The following PAPSS2 variants were observed in gnomAD, a reference collection of about 807,000 sequenced individuals.
The protein encoded by PAPSS2 is bifunctional 3'-phosphoadenosine 5'-phosphosulfate synthase 2.
In PAPSS2, 61 loss-of-function variants were observed where a neutral mutation model predicts 66.5. The observed-to-expected ratio is 0.92, with a 90% CI of 0.75 to 1.14. The LOEUF (loss-of-function observed/expected upper bound fraction) is 1.14. PAPSS2 is among the 50% of genes most tolerant of loss of function. The probability of loss-of-function intolerance (pLI) is 0.00; values close to 1 mark genes in which losing one functional copy is unlikely to be tolerated. For synonymous variants in PAPSS2, 289 were observed against 287.5 expected (o/e 1.01, Z -0.05); for missense variants, 708 against 789.6 (o/e 0.90, Z 1.24).
intron 9 of PAPSS2, among the ~76,000 whole-genome samples, chr10:87,733,482 C>T (rs7920554): frequency 0.52 from 79,600 of 152,078 alleles, 22,168 homozygotes; most frequent in East Asian, 0.75. Context: ...TTGCACTCTA[C>T]ATTTTCTTGT....
At chr10:87,685,357 T>G (rs942534113) in intron 1 of PAPSS2, among the ~76,000 whole-genome samples, 4 of 152,184 alleles carry the variant, frequency 2.6e-5, no homozygotes, top group Admixed American at 6.5e-5. Context: ...CTTTAATGTT[T>G]GTAGGAAAAG....
intron 9 of PAPSS2, among the ~76,000 whole-genome samples, chr10:87,728,567 C>G (rs554726318): frequency 6.6e-6 from 1 of 152,288 alleles, no homozygotes; most frequent in Non-Finnish European, 1.5e-5. Context: ...TGGTGAAACC[C>G]CGTCTCTACT....
intron 1 of PAPSS2, among the ~76,000 whole-genome samples, chr10:87,684,951 T>A (rs1053543983): frequency 6.6e-6 from 1 of 152,112 alleles, no homozygotes; most frequent in Non-Finnish European, 1.5e-5. Context: ...CTTTCTTTTC[T>A]CCCTCTAAAG....
In PAPSS2 at chr10:87,687,446, C is replaced by T. The variant is rs1036735992; in HGVS notation, c.28-21750C>T. ...TTGAAGGATTCAAATTCTAAATATA[C>T]GAAAGGTTATTTCCATTTCAAAAAG... On this transcript the variant is annotated intron_variant, in intron 1 of 12. Transcript: ENST00000456849. Among the ~76,000 whole-genome samples the T allele has an allele frequency of 3.9e-5, 6 of 152,188 alleles. No individual in the cohort carries two copies. In the South Asian group the frequency reaches 6.2e-4, roughly 16 times the overall value.
chr10:87,683,299 G>A (rs1206382902), intron 1 of PAPSS2, among the ~76,000 whole-genome samples: 3 of 151,994 alleles, frequency 2.0e-5, no homozygotes, highest in Non-Finnish European at 4.4e-5. Flanking sequence ...CACCATGTTC[G>A]CCAGGCTGGT....
rs79433476 is a variant in PAPSS2 at position 87,737,396 on chromosome 10, A to G, written c.1087-3839A>G. ...CTAAAAAAAAAAATTAAGGTAAAAA[A>G]CAGAACATAAAAATTATCATCTTAA... On this transcript the variant is annotated intron_variant, in intron 9 of 12. Transcript: ENST00000456849. Among the ~76,000 whole-genome samples the G allele has an allele frequency of 4.6e-5, 7 of 152,274 alleles. No homozygotes were observed. The East Asian group carries it at 1.4e-3, about 29-fold the overall frequency.
At chr10:87,715,134 A>G in intron 6 of PAPSS2, 36 bp downstream of exon 6, 2 of 1,009,430 alleles carry the variant, frequency 2.0e-6, no homozygotes, top group Non-Finnish European at 3.2e-6. Flanking sequence ...AATTAGGCTT[A>G]ATATCAGTCA....
At chr10:87,662,508 C>G (rs750134106) in intron 1 of PAPSS2, among the ~76,000 whole-genome samples, 16 of 152,138 alleles carry the variant, frequency 1.1e-4, no homozygotes, top group Non-Finnish European at 2.1e-4. Context: ...TCACATTCAT[C>G]CCTTCATCAT....
intron 1 of PAPSS2, among the ~76,000 whole-genome samples, chr10:87,701,160 T>C (rs1853298797): frequency 6.6e-6 from 1 of 151,494 alleles, no homozygotes; most frequent in Non-Finnish European, 1.5e-5. Flanking sequence ...ATTATATAAT[T>C]AGTAAAAATG....
chr10:87,746,106 A>AT lies in PAPSS2; in HGVS notation c.*138dup, dbSNP rs1853935762. ...TAATGAAGTAAAAGTTGTGTCTATA[A>AT]TTAAAAAAAAATATATATATATACA... On this transcript the variant is annotated 3_prime_UTR_variant, in exon 13 of 13. Transcript: ENST00000456849. The AT allele has an allele frequency of 1.4e-6, 1 of 717,228 alleles. No individual in the cohort carries two copies. Among genetic ancestry groups the AT allele is most frequent in the South Asian group, 1.9e-5 (1 of 52,596 alleles). The allele number at this position is 717,228 out of a possible 1,614,324, so 44.4% of individuals were successfully genotyped here.
chr10:87,660,241 G>C, intron 1 of PAPSS2: 1 of 606,388 alleles, frequency 1.6e-6, no homozygotes, highest in Non-Finnish European at 2.9e-6. Context: ...TGCGCTCCTT[G>C]GGGTCGCCGC....
rs1454787306 is a variant in PAPSS2, at chr10:87,746,409, A to G, written c.*439A>G. 6.5e-6 allele frequency: 1 copy of G among 154,030 alleles called. No homozygotes were observed. The highest frequency in any genetic ancestry group is 1.4e-5 in the Non-Finnish European group (1 of 69,556). The allele number at this position is 154,030 out of a possible 1,614,324, so 9.5% of individuals were successfully genotyped here. A position where few individuals can be genotyped will look rare whatever the true frequency, so the allele number is the denominator to read the frequency against. ...TGTCCTCTTCTGTACAATTGACAAA[A>G]AAAAAAATTTTTTTTTCTCACTCTA... On this transcript the variant is annotated 3_prime_UTR_variant, in exon 13 of 13. Transcript: ENST00000456849.
At chr10:87,660,139 C>G (rs2131889075) in intron 1 of PAPSS2, 131 bp downstream of exon 1, 1 of 914,202 alleles carries the variant, frequency 1.1e-6, no homozygotes, top group Admixed American at 2.0e-5. Context: ...AAGAGTGGGG[C>G]ACGGAGGGAA....
At chr10:87,713,404 A>G in intron 3 of PAPSS2, 94 bp downstream of exon 3, 1 of 728,080 alleles carries the variant, frequency 1.4e-6, no homozygotes, top group Non-Finnish European at 2.3e-6. Flanking sequence ...TCGGAGAGGG[A>G]GGGCATAAGA....
chr10:87,706,108 A>ATATG, intron 1 of PAPSS2, among the ~76,000 whole-genome samples: 713 of 51,954 alleles, frequency 0.014, 15 homozygotes, highest in Middle Eastern at 0.024. Flanking sequence ...ATATATATAT[A>ATATG]TGTGTGTGTG....
chr10:87,725,901 A>G (rs546985044), intron 8 of PAPSS2, among the ~76,000 whole-genome samples: 1 of 151,868 alleles, frequency 6.6e-6, no homozygotes, highest in Admixed American at 6.6e-5. Flanking sequence ...ACACACACAC[A>G]CACACACACA....
intron 1 of PAPSS2, 25 bp from the exon 2 acceptor site, chr10:87,709,171 T>C (rs1853433208): frequency 7.0e-7 from 1 of 1,436,556 alleles, no homozygotes; most frequent in Non-Finnish European, 9.8e-7. Flanking sequence ...ATTAATACTG[T>C]GCTTGGTTTT....
chr10:87,688,443 T>TTTTATTTTATTTTATTTTA (rs541821509), intron 1 of PAPSS2, among the ~76,000 whole-genome samples: 1 of 138,080 alleles, frequency 7.2e-6, no homozygotes, highest in Non-Finnish European at 1.5e-5. Flanking sequence ...TTCTTTTTTA[T>TTTTATTTTATTTTATTTTA]TTTATTTATT....
intron 9 of PAPSS2, among the ~76,000 whole-genome samples, chr10:87,729,911 G>A (rs935037286): frequency 6.6e-6 from 1 of 152,084 alleles, no homozygotes; most frequent in South Asian, 2.1e-4. Flanking sequence ...CAGGAGAATC[G>A]CTTGAACCCA....
Sources: gnomAD v4.1 joint callset for allele counts (sites outside exome capture counted in the v4.1 genomes callset) on GRCh38, gnomAD v4.1.1 for gene constraint, MANE v1.5 for transcripts, NCBI Gene and HGNC (gene_info 2026-07-23, HGNC 2026-07-21) for gene names.